Variants in VAPB observed in about 807,000 individuals in gnomAD.
VAPB encodes VAMP associated protein B and C.
A neutral mutation model predicts 25.6 loss-of-function variants in VAPB; 7 were observed. The observed-to-expected ratio is 0.27, with a 90% CI of 0.16 to 0.51. The LOEUF (loss-of-function observed/expected upper bound fraction) is 0.51. Ranked by LOEUF, VAPB falls within the 20% of genes least tolerant of loss-of-function variation. The pLI is 0.97. For missense variants in VAPB, 266 were observed against 301.3 expected, an observed-to-expected ratio of 0.88 and a Z score of 0.87; for synonymous variants, 112 against 109.2, an observed-to-expected ratio of 1.03 and a Z score of -0.16.
Position 58,448,015 on chromosome 20 carries a change from C to G in VAPB, c.*3780C>G, listed in dbSNP as rs940912602. 10 of 453,656 alleles carry G rather than the reference C, an allele frequency of 2.2e-5. No homozygotes were observed. The highest frequency in any genetic ancestry group is 1.2e-4 in the Admixed American group (5 of 42,496). 28.1% of individuals were successfully genotyped at this position (453,656 alleles called of 1,614,324 possible). On this transcript the variant is annotated 3_prime_UTR_variant, in exon 6 of 6. Coordinates refer to ENST00000475243, the MANE Select transcript of VAPB (RefSeq NM_004738.5). ...AGGGCCTCTCGTGGCTTTCCCTGCC[C>G]CCGGCTGTCTGGCCTGAAGAAGGAG... is the stretch of plus-strand genomic sequence containing the variant.
At chr20:58,411,692 T>A (rs1297155080) in intron 1 of VAPB, among the ~76,000 whole-genome samples, 1 of 152,244 alleles carries the variant, frequency 6.6e-6, no homozygotes, top group Non-Finnish European at 1.5e-5. Flanking sequence ...TATTATTTTT[T>A]GAGACGGAGT....
chr20:58,395,808 C>T (rs1295974104), intron 1 of VAPB, among the ~76,000 whole-genome samples: 1 of 152,046 alleles, frequency 6.6e-6, no homozygotes, highest in Non-Finnish European at 1.5e-5. Flanking sequence ...AAGTTCTTAC[C>T]TGACAGATGT....
In VAPB at chr20:58,434,031, A is replaced by G. The variant is rs145325466; in HGVS notation, c.212-571A>G. Among the ~76,000 whole-genome samples, 450 of 151,902 alleles carry G rather than the reference A, an allele frequency of 3.0e-3. 4 individuals carry two copies. The highest frequency in any genetic ancestry group is 0.011 in the African/African-American group (439 of 41,446). ...GTGAGATTTCTCTAGGTTCTTAGGG[A>G]AAAAAAAGGGGGAGTATAAGCTGAT... On this transcript the variant is annotated intron_variant, in intron 2 of 5. Transcript: ENST00000475243.
chr20:58,395,282 G>T (rs981297741), intron 1 of VAPB, among the ~76,000 whole-genome samples: 1 of 151,692 alleles, frequency 6.6e-6, no homozygotes, highest in Non-Finnish European at 1.5e-5. Flanking sequence ...CTCCCGAGTA[G>T]CTGGGACTAC....
chr20:58,428,544 C>T (rs570134296), intron 2 of VAPB, among the ~76,000 whole-genome samples: 1 of 152,134 alleles, frequency 6.6e-6, no homozygotes, highest in East Asian at 1.9e-4. Context: ...CCTAGCTACT[C>T]AGGAGGCTAA....
intron 1 of VAPB, among the ~76,000 whole-genome samples, chr20:58,398,269 C>T (rs1198789902): frequency 6.6e-6 from 1 of 152,232 alleles, no homozygotes; most frequent in African/African-American, 2.4e-5. Context: ...ATGATGGCTT[C>T]ACACCATTGT....
intron 1 of VAPB, among the ~76,000 whole-genome samples, chr20:58,397,255 C>T (rs1987981505): frequency 6.6e-6 from 1 of 152,164 alleles, no homozygotes; most frequent in South Asian, 2.1e-4. Flanking sequence ...CATGGTGGCT[C>T]ATGCCTGTAA....
chr20:58,423,757 T>C (rs769970962), intron 2 of VAPB, among the ~76,000 whole-genome samples: 2 of 152,266 alleles, frequency 1.3e-5, no homozygotes, highest in Non-Finnish European at 1.5e-5. Flanking sequence ...TTTGATTGTT[T>C]GCTTTGGAAG....
At chr20:58,396,241 G>A (rs910032378) in intron 1 of VAPB, among the ~76,000 whole-genome samples, 1 of 152,202 alleles carries the variant, frequency 6.6e-6, no homozygotes, top group Non-Finnish European at 1.5e-5. Context: ...ATTTTCACCT[G>A]TGTCAAGTGA....
chr20:58,435,062 TCTTA>T (rs930500887), intron 3 of VAPB, among the ~76,000 whole-genome samples: 2 of 152,164 alleles, frequency 1.3e-5, no homozygotes, highest in African/African-American at 4.8e-5. Flanking sequence ...CCCGCCTTTT[TCTTA>T]CTTGTCTTCT....
At chr20:58,417,775 G>T (rs1054314539) in intron 1 of VAPB, among the ~76,000 whole-genome samples, 1 of 152,064 alleles carries the variant, frequency 6.6e-6, no homozygotes, top group Non-Finnish European at 1.5e-5. Context: ...AGTCCTTTAC[G>T]CTCTCCCTGT....
intron 1 of VAPB, chr20:58,390,102 T>C (rs528793169): frequency 1.3e-5 from 2 of 152,384 alleles, no homozygotes; most frequent in Admixed American, 1.3e-4. Context: ...ATACGCCTAG[T>C]AAATAAATAC....
intron 2 of VAPB, among the ~76,000 whole-genome samples, chr20:58,423,268 G>A (rs1271573735): frequency 6.6e-6 from 1 of 151,260 alleles, no homozygotes; most frequent in East Asian, 1.9e-4. Context: ...AAAATTAGCC[G>A]GGCATGCTGG....
rs6026258 is a variant in VAPB, at chr20:58,419,589, G to A, written c.211+1226G>A. Among the ~76,000 whole-genome samples, 1,417 of 152,276 alleles carry A rather than the reference G, an allele frequency of 9.3e-3. 29 individuals are homozygous for A. Among genetic ancestry groups the A allele is most frequent in the African/African-American group, 0.032 (1,343 of 41,532 alleles). ...GAAGTAGACTGGTGGTCATAGCATC[G>A]TGAAACTAGCAAATAACAGAGCCAA... On this transcript the variant is annotated intron_variant, in intron 2 of 5. Coordinates refer to ENST00000475243, the MANE Select transcript of VAPB (RefSeq NM_004738.5).
chr20:58,403,866 C>T (rs1662027000), intron 1 of VAPB, among the ~76,000 whole-genome samples: 2 of 152,212 alleles, frequency 1.3e-5, no homozygotes, highest in Admixed American at 1.3e-4. Context: ...ACTGTGGCTT[C>T]TGGATCTTGG....
intron 2 of VAPB, among the ~76,000 whole-genome samples, chr20:58,427,544 A>G (rs968430435): frequency 6.6e-6 from 1 of 151,416 alleles, no homozygotes; most frequent in African/African-American, 2.4e-5. Context: ...ATTATGATGC[A>G]GGCAAAAGTG....
chr20:58,408,792 A>G (rs1031938210), intron 1 of VAPB, among the ~76,000 whole-genome samples: 12 of 152,028 alleles, frequency 7.9e-5, no homozygotes, highest in Non-Finnish European at 1.6e-4. Flanking sequence ...TCAGAGTACA[A>G]TGACCTCTGA....
chr20:58,419,169 A>G (rs1988614662), intron 2 of VAPB, among the ~76,000 whole-genome samples: 1 of 152,216 alleles, frequency 6.6e-6, no homozygotes, highest in Non-Finnish European at 1.5e-5. Context: ...TTCTGCATCA[A>G]TAGAAGCTAC....
At chr20:58,393,429 A>C (rs763206342) in intron 1 of VAPB, among the ~76,000 whole-genome samples, 5 of 152,146 alleles carry the variant, frequency 3.3e-5, no homozygotes, top group Admixed American at 1.3e-4. Flanking sequence ...AGTTCTTCCA[A>C]GTCCTAATCG....
Sources: gnomAD v4.1 joint callset for allele counts (sites outside exome capture counted in the v4.1 genomes callset) on GRCh38, gnomAD v4.1.1 for gene constraint, MANE v1.5 for transcripts, NCBI Gene and HGNC (gene_info 2026-07-23, HGNC 2026-07-21) for gene names.